Variants in NNT observed in about 807,000 individuals in gnomAD.
NNT encodes NAD(P) transhydrogenase, mitochondrial.
A neutral mutation model predicts 104.8 loss-of-function variants in NNT; 50 were observed. The ratio of observed to expected loss-of-function variants is 0.48; its 90% CI spans 0.38 to 0.60. The LOEUF (loss-of-function observed/expected upper bound fraction) is 0.60. Among genes scored for constraint, NNT ranks in the 20% least tolerant of loss-of-function variants. The pLI is 0.00. For synonymous variants in NNT, 461 were observed against 490.4 expected (o/e 0.94, Z 0.79); for missense variants, 1,131 against 1,330.7 (o/e 0.85, Z 2.33).
intron 9 of NNT, among the ~76,000 whole-genome samples, chr5:43,645,134 C>T (rs182094083): frequency 2.6e-4 from 39 of 152,128 alleles, no homozygotes; most frequent in Admixed American, 1.8e-3. Flanking sequence ...GTCCTGTACA[C>T]ATACAAATTA....
intron 20 of NNT, among the ~76,000 whole-genome samples, chr5:43,701,403 G>A (rs1405138637): frequency 1.3e-5 from 2 of 152,138 alleles, no homozygotes; most frequent in African/African-American, 4.8e-5. Flanking sequence ...TTGCTGGAAA[G>A]GACACGATTT....
At chr5:43,659,744 G>T (rs974544121) in intron 17 of NNT, among the ~76,000 whole-genome samples, 1 of 151,976 alleles carries the variant, frequency 6.6e-6, no homozygotes, top group African/African-American at 2.4e-5. Context: ...AAAAAAAAGA[G>T]TATGGTAGCT....
chr5:43,707,060 G>A lies in NNT; in HGVS notation c.*2656G>A, dbSNP rs572572728. 2.6e-5 allele frequency: 4 copies of A among 151,982 alleles called. No homozygotes were observed. In the East Asian group the frequency reaches 7.8e-4, roughly 29 times the overall value. 9.4% of individuals were successfully genotyped at this position (151,982 alleles called of 1,614,324 possible). A position where few individuals can be genotyped will look rare whatever the true frequency, so the allele number is the denominator to read the frequency against. On this transcript the variant is annotated 3_prime_UTR_variant, in exon 22 of 22. Transcript: ENST00000344920. ...GGTGCAGCACACCAACATGGCACAT[G>A]TATACATATGTAGCAAACCTGCACG...
intron 6 of NNT, among the ~76,000 whole-genome samples, chr5:43,626,631 T>C (rs1225949290): frequency 6.6e-6 from 1 of 151,964 alleles, no homozygotes; most frequent in Non-Finnish European, 1.5e-5. Context: ...ATATTCATTA[T>C]TGAAAAATAG....
At chr5:43,696,260 C>A (rs1329014018) in intron 19 of NNT, among the ~76,000 whole-genome samples, 2 of 152,092 alleles carry the variant, frequency 1.3e-5, no homozygotes, top group East Asian at 3.9e-4. Flanking sequence ...GACTAAAGGC[C>A]CCTTGCAAGT....
chr5:43,704,441 T>A lies in NNT; in HGVS notation c.*37T>A. The A allele has an allele frequency of 5.0e-6, 8 of 1,608,728 alleles. No individual in the cohort carries two copies. The highest frequency in any genetic ancestry group is 6.8e-6 in the Non-Finnish European group (8 of 1,176,784). ...CAAGCTGTTAGCTAATAATGCCACC[T>A]CTGCAGTTTTGGGAACAGGCAAATA... On this transcript the variant is annotated 3_prime_UTR_variant, in exon 22 of 22. Coordinates refer to ENST00000344920, the MANE Select transcript of NNT (RefSeq NM_182977.3).
chr5:43,659,359 C>G lies in NNT; in HGVS notation c.2634+9C>G. The stretch of plus-strand genomic sequence containing the variant: ...CATACATCATGTGTGTGGTAAGAAA[C>G]AACACATACATGAAACAAAAGGAAA... On this transcript the variant is annotated intron_variant, in intron 17 of 21. Transcript: ENST00000344920. 1 of 1,593,980 alleles carries G rather than the reference C, an allele frequency of 6.3e-7. No homozygotes were observed. Among genetic ancestry groups the G allele is most frequent in the South Asian group, 1.1e-5 (1 of 88,206 alleles).
At chr5:43,660,413 A>G (rs541523270) in intron 17 of NNT, among the ~76,000 whole-genome samples, 1 of 151,752 alleles carries the variant, frequency 6.6e-6, no homozygotes, top group South Asian at 2.1e-4. Context: ...CAAATATTAT[A>G]ATTAAAGGTT....
intron 19 of NNT, among the ~76,000 whole-genome samples, chr5:43,698,059 G>T (rs1048152677): frequency 6.6e-6 from 1 of 151,586 alleles, no homozygotes; most frequent in Non-Finnish European, 1.5e-5. Context: ...AAAAAATGAG[G>T]TGGAGTTTCT....
intron 17 of NNT, among the ~76,000 whole-genome samples, chr5:43,672,597 G>A (rs562510533): frequency 6.6e-5 from 10 of 152,284 alleles, no homozygotes; most frequent in African/African-American, 1.7e-4. Flanking sequence ...CTGCAGAACC[G>A]CGAATATTGC....
intron 17 of NNT, among the ~76,000 whole-genome samples, chr5:43,673,318 C>A (rs563273944): frequency 6.6e-6 from 1 of 152,282 alleles, no homozygotes; most frequent in Admixed American, 6.5e-5. Flanking sequence ...CAAGCCCCAG[C>A]GTGATGAACC....
Position 43,700,229 on chromosome 5 carries a change from A to T in NNT, c.2987A>T (p.Asp996Val). 1.2e-6 allele frequency: 2 copies of T among 1,609,696 alleles called. No individual in the cohort carries two copies. The highest frequency in any genetic ancestry group is 1.7e-6 in the Non-Finnish European group (2 of 1,176,690). Residue 996 changes from aspartate to valine, a missense_variant, in exon 20 of 22, where the codon GAT becomes GTT. Asp to Val is a radical substitution (Grantham distance 152). Coordinates refer to ENST00000344920, the MANE Select transcript of NNT (RefSeq NM_182977.3). ...IVLEMDEINH[D>V]FPDTDLVLVI... The stretch of plus-strand genomic sequence containing the variant: ...TTGGAAATGGATGAGATCAACCATG[A>T]TTTTCCAGGTAAGTGGTGGGGGCAA...
At position 43,670,958 on chromosome 5, in the gene NNT, C is replaced by T. The variant is rs568035088; in HGVS notation, c.2635-4553C>T. ...TCTCTAAGGACTTGCTTTATGAATC[C>T]GGGTGCCCCTGTATTGGGTGCATAT... On this transcript the variant is annotated intron_variant, in intron 17 of 21. Coordinates refer to ENST00000344920, the MANE Select transcript of NNT (RefSeq NM_182977.3). Among the ~76,000 whole-genome samples, 8 of 152,174 alleles carry T rather than the reference C, an allele frequency of 5.3e-5. No individual in the cohort carries two copies. In the East Asian group the frequency reaches 7.7e-4, roughly 15 times the overall value.
intron 19 of NNT, among the ~76,000 whole-genome samples, chr5:43,691,171 C>T (rs113229008): frequency 2.4e-3 from 358 of 152,098 alleles, no homozygotes; most frequent in African/African-American, 8.3e-3. Context: ...GCAATCTTGG[C>T]TCACTGCAAC....
At chr5:43,668,021 G>A (rs1278226301) in intron 17 of NNT, among the ~76,000 whole-genome samples, 19 of 152,196 alleles carry the variant, frequency 1.2e-4, no homozygotes, top group Admixed American at 1.2e-3. Context: ...GATGGCCAGT[G>A]ATGATGAACA....
At chr5:43,680,364 AG>A (rs1444208537) in intron 19 of NNT, among the ~76,000 whole-genome samples, 18 of 152,030 alleles carry the variant, frequency 1.2e-4, no homozygotes, top group Non-Finnish European at 2.2e-4. Flanking sequence ...CTGTATTTAC[AG>A]TTTGCAGTAA....
intron 1 of NNT, among the ~76,000 whole-genome samples, chr5:43,606,670 C>T (rs761689272): frequency 6.6e-6 from 1 of 152,108 alleles, no homozygotes; most frequent in Non-Finnish European, 1.5e-5. Context: ...ACGGCTTTCC[C>T]TTCCTTTTCT....
At position 43,650,385 on chromosome 5, in the gene NNT, C is replaced by T. The variant is rs772098972; in HGVS notation, c.1607-92C>T. The stretch of plus-strand genomic sequence containing the variant: ...TTTTTAATATTGAGAACTTTACCCT[C>T]TATGAATCTATGTATGTGAGGTACT... On this transcript the variant is annotated intron_variant, in intron 11 of 21. Transcript: ENST00000344920. 35 of 871,974 alleles carry T rather than the reference C, an allele frequency of 4.0e-5. No individual in the cohort carries two copies. The East Asian group carries it at 7.6e-4, about 19-fold the overall frequency. The allele number at this position is 871,974 out of a possible 1,614,324, so 54.0% of individuals were successfully genotyped here. A position where few individuals can be genotyped will look rare whatever the true frequency, so the allele number is the denominator to read the frequency against.
intron 7 of NNT, among the ~76,000 whole-genome samples, chr5:43,637,136 A>G (rs189594378): frequency 3.7e-4 from 56 of 152,196 alleles, no homozygotes; most frequent in African/African-American, 1.3e-3. Flanking sequence ...TGACTGTTTA[A>G]GCTTGGGCCA....
Sources: gnomAD v4.1 joint callset for allele counts (sites outside exome capture counted in the v4.1 genomes callset) on GRCh38, gnomAD v4.1.1 for gene constraint, MANE v1.5 for transcripts, NCBI Gene and HGNC (gene_info 2026-07-23, HGNC 2026-07-21) for gene names.